Variants in ADRA1B observed in about 807,000 individuals in gnomAD.
ADRA1B encodes alpha-1B adrenergic receptor.
ADRA1B carries 17 observed loss-of-function variants against 17.9 expected under a neutral mutation model. The ratio of observed to expected loss-of-function variants is 0.95; its 90% CI spans 0.65 to 1.42. The LOEUF (loss-of-function observed/expected upper bound fraction) is 1.42, where lower values mean the gene tolerates loss of function less well. Among genes scored for constraint, ADRA1B ranks in the 40% most tolerant of loss-of-function variants. The probability of loss-of-function intolerance (pLI) is 0.00; values close to 1 mark genes in which losing one functional copy is unlikely to be tolerated. For missense variants in ADRA1B, 681 were observed against 722.1 expected (o/e 0.94, Z 0.65); for synonymous variants, 366 against 327.6 (o/e 1.12, Z -1.27).
intron 1 of ADRA1B, among the ~76,000 whole-genome samples, chr5:159,957,306 C>A (rs915324050): frequency 6.6e-6 from 1 of 151,842 alleles, no homozygotes; most frequent in African/African-American, 2.4e-5. Flanking sequence ...GAGTTTGAGA[C>A]CAGCTGGGGC....
intron 1 of ADRA1B, among the ~76,000 whole-genome samples, chr5:159,923,779 C>T (rs1237351886): frequency 2.6e-5 from 4 of 152,262 alleles, no homozygotes; most frequent in Non-Finnish European, 4.4e-5. Context: ...CATTGTAGAC[C>T]TCTTGCATCA....
At chr5:159,951,588 C>T in intron 1 of ADRA1B, 1 of 468,680 alleles carries the variant, frequency 2.1e-6, no homozygotes, top group Non-Finnish European at 4.0e-6. Context: ...GAGAATTTAG[C>T]ACGGTCTGGA....
intron 1 of ADRA1B, among the ~76,000 whole-genome samples, chr5:159,930,318 A>C (rs1198977666): frequency 6.6e-6 from 1 of 152,242 alleles, no homozygotes; most frequent in Non-Finnish European, 1.5e-5. Flanking sequence ...CTACAGTAAA[A>C]TGTAAAGTGG....
At position 159,972,124 on chromosome 5, in the gene ADRA1B, C is replaced by A; in HGVS notation, c.1195C>A (p.Arg399Ser). The change falls in exon 2 of 2, where the codon CGC (arginine) becomes AGC (serine). Residue 399 changes from arginine to serine, a missense_variant. Physicochemically the swap from Arg to Ser is moderately radical, Grantham distance 110 (BLOSUM62 -1). Transcript: ENST00000306675. ...GTGGACGCGCGGCGGCTCGCTGGAG[C>A]GCTCGCAGTCGCGCAAGGACTCGCT... is the stretch of plus-strand genomic sequence containing the variant. ...RPWTRGGSLE[R>S]SQSRKDSLDD... 1 of 1,323,870 alleles carries A rather than the reference C, an allele frequency of 7.6e-7. No individual in the cohort carries two copies. The highest frequency in any genetic ancestry group is 2.1e-5 in the South Asian group (1 of 48,552). 82.0% of individuals were successfully genotyped at this position (1,323,870 alleles called of 1,614,324 possible).
At chr5:159,884,137 G>A (rs1036447500) in intron 1 of ADRA1B, among the ~76,000 whole-genome samples, 1 of 152,228 alleles carries the variant, frequency 6.6e-6, no homozygotes, top group Non-Finnish European at 1.5e-5. Context: ...AATTATGGAT[G>A]TAGACTTAAG....
Position 159,972,192 on chromosome 5 carries a change from G to A in ADRA1B, c.1263G>A (p.Leu421=), listed in dbSNP as rs1472122876. 6.6e-6 allele frequency: 9 copies of A among 1,361,964 alleles called. No homozygotes were observed. The highest frequency in any genetic ancestry group is 5.4e-4 in the Middle Eastern group (2 of 3,714). 84.4% of individuals were successfully genotyped at this position (1,361,964 alleles called of 1,614,324 possible). ...GSCLSGSQRT[L]PSASPSPGYL... ...GCCTGAGCGGCAGCCAGCGGACCCT[G>A]CCCTCGGCCTCGCCGAGCCCGGGCT... Residue 421 remains leucine, a synonymous_variant, in exon 2 of 2, where the codon CTG becomes CTA. Coordinates refer to ENST00000306675, the MANE Select transcript of ADRA1B (RefSeq NM_000679.4).
chr5:159,930,199 T>C (rs1034592775), intron 1 of ADRA1B, among the ~76,000 whole-genome samples: 2 of 152,262 alleles, frequency 1.3e-5, no homozygotes, highest in African/African-American at 4.8e-5. Flanking sequence ...CTCTTGTATA[T>C]ATGTCTGTGC....
At chr5:159,960,776 T>C (rs2113280393) in intron 1 of ADRA1B, among the ~76,000 whole-genome samples, 1 of 151,290 alleles carries the variant, frequency 6.6e-6, no homozygotes, top group South Asian at 2.1e-4. Context: ...TAACCAGCAC[T>C]CAGGTGCTGC....
chr5:159,918,491 T>C (rs911570715), intron 1 of ADRA1B, among the ~76,000 whole-genome samples: 13 of 152,232 alleles, frequency 8.5e-5, no homozygotes, highest in African/African-American at 3.1e-4. Context: ...AAGCTTGAGA[T>C]GTGAAAGAGA....
At chr5:159,953,534 C>T (rs1216043884) in intron 1 of ADRA1B, among the ~76,000 whole-genome samples, 2 of 152,180 alleles carry the variant, frequency 1.3e-5, no homozygotes, top group African/African-American at 4.8e-5. Flanking sequence ...CTGTGGCAAT[C>T]AGCACTGGGG....
At chr5:159,885,329 T>C (rs1383282563) in intron 1 of ADRA1B, among the ~76,000 whole-genome samples, 1 of 152,204 alleles carries the variant, frequency 6.6e-6, no homozygotes, top group Non-Finnish European at 1.5e-5. Flanking sequence ...TCCCTCCATG[T>C]AGCCTCAGGT....
At chr5:159,954,330 C>A (rs187478885) in intron 1 of ADRA1B, among the ~76,000 whole-genome samples, 1 of 152,138 alleles carries the variant, frequency 6.6e-6, no homozygotes, top group African/African-American at 2.4e-5. Context: ...CAGACAGATG[C>A]CTTCCTGTTG....
At chr5:159,958,981 A>C (rs192310188) in intron 1 of ADRA1B, among the ~76,000 whole-genome samples, 1 of 152,350 alleles carries the variant, frequency 6.6e-6, no homozygotes, top group African/African-American at 2.4e-5. Context: ...CTTAAGCCAA[A>C]AGGTAGCTCC....
chr5:159,879,547 T>C (rs1318394313), intron 1 of ADRA1B, among the ~76,000 whole-genome samples: 1 of 152,122 alleles, frequency 6.6e-6, no homozygotes, highest in Non-Finnish European at 1.5e-5. Context: ...AGCCAATTCT[T>C]CTTCTATCTT....
rs1754321472 is a variant in ADRA1B, at chr5:159,916,774, T to C, written c.-132T>C. 3.5e-6 allele frequency: 3 copies of C among 852,312 alleles called. No homozygotes were observed. The highest frequency in any genetic ancestry group is 2.9e-5 in the Admixed American group (1 of 34,588). The allele number at this position is 852,312 out of a possible 1,614,324, so 52.8% of individuals were successfully genotyped here. On this transcript the variant is annotated 5_prime_UTR_variant, in exon 1 of 2. The change abolishes an upstream ATG in the 5' untranslated region. Coordinates refer to ENST00000306675, the MANE Select transcript of ADRA1B (RefSeq NM_000679.4). ...GCCGGGCTGGGCTGCCCGGGGGAGA[T>C]GACTCCTCGCCAGGAGGGCGCCTCT...
At chr5:159,906,549 C>A (rs999078697) in intron 1 of ADRA1B, among the ~76,000 whole-genome samples, 1 of 152,204 alleles carries the variant, frequency 6.6e-6, no homozygotes, top group Non-Finnish European at 1.5e-5. Context: ...AAGGCTGAAG[C>A]CCAGGAATCT....
Position 159,927,415 on chromosome 5 carries a change from G to A in ADRA1B, c.949+9561G>A, listed in dbSNP as rs202010398. ...CACACACACACACACACACACACAC[G>A]TATGCATAGAACCCTAAAAAAAATG... is the stretch of plus-strand genomic sequence containing the variant. On this transcript the variant is annotated intron_variant, in intron 1 of 1. Transcript: ENST00000306675. 1.4e-3 allele frequency among the ~76,000 whole-genome samples: 92 copies of A among 66,068 alleles called. 1 individual carries two copies. The South Asian group carries it at 0.027, about 19-fold the overall frequency. The allele number at this position is 66,068 out of a possible 152,430, so 43.3% of individuals were successfully genotyped here. A position where few individuals can be genotyped will look rare whatever the true frequency, so the allele number is the denominator to read the frequency against.
intron 1 of ADRA1B, chr5:159,870,457 C>T (rs1323979165): frequency 6.6e-6 from 1 of 152,146 alleles, no homozygotes; most frequent in African/African-American, 2.4e-5. Context: ...TAAATCCATC[C>T]ATCCATCCAA....
At chr5:159,874,238 G>T (rs1046659555) in intron 1 of ADRA1B, among the ~76,000 whole-genome samples, 1 of 152,142 alleles carries the variant, frequency 6.6e-6, no homozygotes, top group Non-Finnish European at 1.5e-5. Context: ...GCTTCCAAAA[G>T]CCATCAAGTC....
Sources: allele counts gnomAD v4.1 joint callset (sites outside exome capture counted in the v4.1 genomes callset), GRCh38; gene constraint gnomAD v4.1.1; transcripts MANE v1.5; gene names NCBI Gene and HGNC (gene_info 2026-07-23, HGNC 2026-07-21).